ZNF407: variants seen among roughly 807,000 people sequenced by gnomAD.
The protein encoded by ZNF407 is zinc finger protein 407.
In ZNF407, 17 loss-of-function variants were observed where a neutral mutation model predicts 131.2. That is an observed-to-expected ratio of 0.13 (90% CI 0.09 to 0.19). The LOEUF (loss-of-function observed/expected upper bound fraction) is 0.19. Ranked by LOEUF, ZNF407 falls within the 10% of genes least tolerant of loss-of-function variation. ZNF407 has a pLI of 1.00. For missense variants in ZNF407, 2,681 were observed against 2,830.6 expected, an observed-to-expected ratio of 0.95 and a Z score of 1.20; for synonymous variants, 1,156 against 1,062.0, an observed-to-expected ratio of 1.09 and a Z score of -1.72.
At chr18:74,616,919 A>G (rs1983320391) in intron 1 of ZNF407, among the ~76,000 whole-genome samples, 12 of 147,268 alleles carry the variant, frequency 8.1e-5, no homozygotes, top group Non-Finnish European at 1.8e-4. Context: ...ATCCATATCC[A>G]CGCACCATAC....
At chr18:74,755,753 C>CTTTCTTTCTT (rs1177683504) in intron 3 of ZNF407, among the ~76,000 whole-genome samples, 8 of 117,814 alleles carry the variant, frequency 6.8e-5, no homozygotes, top group Non-Finnish European at 9.9e-5. Flanking sequence ...TTCTTTCTTT[C>CTTTCTTTCTT]TTTCTTTCTT....
At position 75,064,005 on chromosome 18, in the gene ZNF407, G is replaced by T; in HGVS notation, c.6284G>T (p.Gly2095Val). 6.2e-7 allele frequency: 1 copy of T among 1,609,810 alleles called. No individual in the cohort carries two copies. Among genetic ancestry groups the T allele is most frequent in the Non-Finnish European group, 8.5e-7 (1 of 1,178,386 alleles). ...QFAVCDTAAAGQLVKDGVTQV... is the reference protein window; with the variant it reads ...QFAVCDTAAAVQLVKDGVTQV... ...GCTGTGTGTGACACGGCCGCGGCCGGCCAGTTGGTCAAGGACGGTGTCACC... is the reference window on the plus strand; with the variant it reads ...GCTGTGTGTGACACGGCCGCGGCCGTCCAGTTGGTCAAGGACGGTGTCACC... The change falls in exon 9 of 9, where the codon GGC becomes GTC. Residue 2095 changes from glycine (G) to valine (V), a missense_variant. Gly to Val is a moderately radical substitution (Grantham distance 109, BLOSUM62 -3). This residue lies in a region of ZNF407 where 620 missense variants were observed against 583.1 expected (regional missense o/e 1.06). Transcript: ENST00000299687.
chr18:74,616,912 C>T (rs1983320165), intron 1 of ZNF407, among the ~76,000 whole-genome samples: 1 of 144,722 alleles, frequency 6.9e-6, no homozygotes, highest in Admixed American at 6.8e-5. Context: ...CACACACATC[C>T]ATATCCACGC....
intron 4 of ZNF407, among the ~76,000 whole-genome samples, chr18:74,839,050 A>T (rs1165701034): frequency 1.3e-5 from 2 of 152,112 alleles, no homozygotes; most frequent in Admixed American, 1.3e-4. Context: ...AGCTGTATTA[A>T]ATGCTTGAAG....
chr18:74,937,639 T>G (rs912510884), intron 8 of ZNF407, among the ~76,000 whole-genome samples: 1 of 152,204 alleles, frequency 6.6e-6, no homozygotes, highest in African/African-American at 2.4e-5. Flanking sequence ...GTTAAAACCT[T>G]AAAAGTGGTT....
chr18:75,039,718 C>CT (rs36086764), intron 8 of ZNF407, among the ~76,000 whole-genome samples: 94,591 of 111,926 alleles, frequency 0.85, 40,578 homozygotes, highest in African/African-American at 0.88. Flanking sequence ...AGGGGCCAAG[C>CT]TTTTTTTTTT....
intron 4 of ZNF407, among the ~76,000 whole-genome samples, chr18:74,834,698 G>A (rs1034870569): frequency 1.2e-4 from 19 of 152,196 alleles, no homozygotes; most frequent in Middle Eastern, 3.4e-3. Context: ...CTTCCTTCCC[G>A]CAGGCTGAGC....
At chr18:75,003,226 T>C (rs762213646) in intron 8 of ZNF407, among the ~76,000 whole-genome samples, 20 of 152,184 alleles carry the variant, frequency 1.3e-4, no homozygotes, top group Non-Finnish European at 2.8e-4. Flanking sequence ...CTGGCAAATG[T>C]GTTTGGTTTT....
At chr18:74,798,969 C>G (rs1969970980) in intron 4 of ZNF407, among the ~76,000 whole-genome samples, 1 of 151,918 alleles carries the variant, frequency 6.6e-6, no homozygotes, top group African/African-American at 2.4e-5. Flanking sequence ...TACCTTTTGT[C>G]TTATATTTTT....
rs148897853 is a variant in ZNF407, at chr18:74,915,694, A to AGTGTGTGTGTGT, written c.5250-4804_5250-4793dup. Among the ~76,000 whole-genome samples the AGTGTGTGTGTGT allele has an allele frequency of 3.4e-4, 2 of 5,836 alleles. 1 individual carries two copies. Among genetic ancestry groups the AGTGTGTGTGTGT allele is most frequent in the African/African-American group, 1.2e-3 (2 of 1,710 alleles). 3.8% of individuals were successfully genotyped at this position (5,836 alleles called of 152,430 possible). A position where few individuals can be genotyped will look rare whatever the true frequency, so the allele number is the denominator to read the frequency against. ...GTATGCAGCATTGGTTCGAATCGGGAGTGTGTGTGTGTGTGTGTGTGTGTG... is the reference window on the plus strand; with the variant it reads ...GTATGCAGCATTGGTTCGAATCGGGAGTGTGTGTGTGTGTGTGTGTGTGTGTGTGTGTGTGTG... On this transcript the variant is annotated intron_variant, in intron 7 of 8. Coordinates refer to ENST00000299687, the MANE Select transcript of ZNF407 (RefSeq NM_017757.3).
At chr18:74,808,915 G>A (rs1180187044) in intron 4 of ZNF407, among the ~76,000 whole-genome samples, 1 of 152,128 alleles carries the variant, frequency 6.6e-6, no homozygotes, top group Admixed American at 6.5e-5. Flanking sequence ...TTTTACTGAT[G>A]TAATATTGGT....
intron 6 of ZNF407, among the ~76,000 whole-genome samples, chr18:74,887,912 C>T (rs977830719): frequency 6.6e-6 from 1 of 152,064 alleles, no homozygotes; most frequent in Non-Finnish European, 1.5e-5. Flanking sequence ...GAAAATACCA[C>T]CAAATGGGTT....
chr18:74,647,725 G>T (rs1279800048), intron 3 of ZNF407, among the ~76,000 whole-genome samples: 1 of 152,168 alleles, frequency 6.6e-6, no homozygotes, highest in African/African-American at 2.4e-5. Flanking sequence ...TTCTCATTTG[G>T]CAGATCCTCG....
chr18:74,808,985 G>A (rs917381641), intron 4 of ZNF407, among the ~76,000 whole-genome samples: 50 of 152,216 alleles, frequency 3.3e-4, no homozygotes, highest in African/African-American at 1.1e-3. Flanking sequence ...AAACAATGTG[G>A]AGCTAACACA....
intron 8 of ZNF407, among the ~76,000 whole-genome samples, chr18:74,944,026 A>T (rs1004130798): frequency 1.3e-5 from 2 of 152,222 alleles, no homozygotes; most frequent in African/African-American, 4.8e-5. Context: ...CTTCTTAGTT[A>T]GCATGTCACC....
intron 8 of ZNF407, among the ~76,000 whole-genome samples, chr18:74,993,575 A>G (rs931060131): frequency 6.6e-6 from 1 of 152,230 alleles, no homozygotes; most frequent in African/African-American, 2.4e-5. Context: ...AGATGTGTCA[A>G]AACTCATTGA....
Position 74,635,223 on chromosome 18 carries a change from A to G in ZNF407, c.4204A>G (p.Lys1402Glu). 2.5e-6 allele frequency: 4 copies of G among 1,613,890 alleles called. No homozygotes were observed. Among genetic ancestry groups the G allele is most frequent in the Non-Finnish European group, 3.4e-6 (4 of 1,179,858 alleles). The change falls in exon 2 of 9, where the codon AAA becomes GAA. Residue 1402 changes from lysine to glutamate, a missense_variant. This residue lies in a region of ZNF407 where 1,789 missense variants were observed against 1,748.7 expected (regional missense o/e 1.02). Coordinates refer to ENST00000299687, the MANE Select transcript of ZNF407 (RefSeq NM_017757.3). The surrounding 1 kb of genome is among the most constrained non-coding windows in gnomAD (Gnocchi z 4.7). ...CTGTGCTCAAGGTGTGAAAAAGAAG[A>G]AATCTGAGGGCAGTTCCATTGGTGA... ...KDCAQGVKKK[K>E]SEGSSIGEST...
At chr18:74,786,984 T>G (rs889169417) in intron 4 of ZNF407, among the ~76,000 whole-genome samples, 4 of 151,776 alleles carry the variant, frequency 2.6e-5, no homozygotes, top group Non-Finnish European at 4.4e-5. Context: ...TTTTTTTGTT[T>G]TTAGTAGAGA....
At chr18:74,742,612 T>G (rs574091265) in intron 3 of ZNF407, among the ~76,000 whole-genome samples, 3 of 152,222 alleles carry the variant, frequency 2.0e-5, no homozygotes, top group Non-Finnish European at 2.9e-5. Context: ...TTATCTTTTT[T>G]AGATTACATC....
Sources: allele counts gnomAD v4.1 joint callset (sites outside exome capture counted in the v4.1 genomes callset), GRCh38; gene constraint gnomAD v4.1.1; regional missense constraint gnomAD v4.1.1; non-coding constraint Gnocchi (gnomAD v3.1); transcripts MANE v1.5; gene names NCBI Gene and HGNC (gene_info 2026-07-23, HGNC 2026-07-21).